Variants in UBE2R2 observed in about 807,000 individuals in gnomAD.
UBE2R2 encodes ubiquitin-conjugating enzyme E2 R2.
UBE2R2 carries 1 observed loss-of-function variant against 27.8 expected under a neutral mutation model. That is an observed-to-expected ratio of 0.04 (90% CI 0.01 to 0.17). UBE2R2 has a LOEUF of 0.17. Ranked by LOEUF, UBE2R2 falls within the 10% of genes least tolerant of loss-of-function variation. The pLI is 1.00. For synonymous variants in UBE2R2, 106 were observed against 113.3 expected (o/e 0.94, Z 0.41); for missense variants, 100 against 291.0 (o/e 0.34, Z 4.78).
At chr9:33,901,857 TTTTACACCTCACC>T (rs1822251256) in intron 3 of UBE2R2, among the ~76,000 whole-genome samples, 1 of 152,080 alleles carries the variant, frequency 6.6e-6, no homozygotes. Context: ...ATAAATGTGT[TTTTACACCTCACC>T]TTGACAACCA....
chr9:33,857,718 T>C (rs989563974), intron 1 of UBE2R2, among the ~76,000 whole-genome samples: 2 of 152,254 alleles, frequency 1.3e-5, no homozygotes, highest in Non-Finnish European at 2.9e-5. Context: ...TAGAATAATG[T>C]AGCTGTGTGT....
chr9:33,911,135 G>A (rs554360449), intron 3 of UBE2R2, among the ~76,000 whole-genome samples: 9 of 151,852 alleles, frequency 5.9e-5, no homozygotes, highest in Admixed American at 1.3e-4. Context: ...ACGGCCGGGC[G>A]TAGTGGCTCA....
intron 2 of UBE2R2, among the ~76,000 whole-genome samples, chr9:33,897,731 A>C (rs1485562473): frequency 6.8e-6 from 1 of 147,826 alleles, no homozygotes; most frequent in Non-Finnish European, 1.5e-5. Context: ...CCCACCTCCC[A>C]CGCATTCACT....
At chr9:33,856,245 G>A (rs1234795855) in intron 1 of UBE2R2, among the ~76,000 whole-genome samples, 1 of 152,064 alleles carries the variant, frequency 6.6e-6, no homozygotes, top group Admixed American at 6.6e-5. Context: ...CCTCAGCAAA[G>A]CATTATTTTC....
chr9:33,843,042 CTTTTT>C (rs71506139), intron 1 of UBE2R2, among the ~76,000 whole-genome samples: 1 of 105,314 alleles, frequency 9.5e-6, no homozygotes, highest in African/African-American at 4.0e-5. Context: ...AAACAGACCA[CTTTTT>C]TTTTTTTTTT....
intron 1 of UBE2R2, among the ~76,000 whole-genome samples, chr9:33,843,093 G>A (rs1408110581): frequency 7.3e-6 from 1 of 136,698 alleles, no homozygotes; most frequent in African/African-American, 2.9e-5. Context: ...TGTCGCCCAG[G>A]CTGGAGTGCA....
At position 33,855,816 on chromosome 9, in the gene UBE2R2, G is replaced by T. The variant is rs13287662; in HGVS notation, c.178-31065G>T. Reference sequence around the variant, plus strand: ...CTTACAGCTAGGCAAGGTGCCTCATGCCTGTAATCCCAGCACTTTGGGAGG... The same window carrying T: ...CTTACAGCTAGGCAAGGTGCCTCATTCCTGTAATCCCAGCACTTTGGGAGG... On this transcript the variant is annotated intron_variant, in intron 1 of 4. Coordinates refer to ENST00000263228, the MANE Select transcript of UBE2R2 (RefSeq NM_017811.4). 6.3e-3 allele frequency among the ~76,000 whole-genome samples: 956 copies of T among 152,330 alleles called. 3 individuals are homozygous for T. The highest frequency in any genetic ancestry group is 9.9e-3 in the Non-Finnish European group (676 of 68,022).
intron 2 of UBE2R2, among the ~76,000 whole-genome samples, chr9:33,891,484 A>C (rs1213776383): frequency 6.6e-6 from 1 of 151,998 alleles, no homozygotes. Flanking sequence ...CACCTCTACT[A>C]AAAATAGAAA....
chr9:33,839,970 T>G (rs1259695722), intron 1 of UBE2R2, among the ~76,000 whole-genome samples: 2 of 152,044 alleles, frequency 1.3e-5, no homozygotes, highest in Admixed American at 1.3e-4. Context: ...TACTCCAATC[T>G]GGGTGACAGA....
chr9:33,829,342 T>A (rs754564145), intron 1 of UBE2R2, among the ~76,000 whole-genome samples: 2 of 152,172 alleles, frequency 1.3e-5, no homozygotes, highest in Admixed American at 1.3e-4. Flanking sequence ...GAGAAAAATA[T>A]AAGTCTAAGA....
chr9:33,853,306 T>TTTTG (rs1821012661), intron 1 of UBE2R2, among the ~76,000 whole-genome samples: 1 of 149,446 alleles, frequency 6.7e-6, no homozygotes, highest in African/African-American at 2.5e-5. Flanking sequence ...TTTTTTTTTT[T>TTTTG]GAGATGGAGT....
chr9:33,868,144 C>A (rs1349064982), intron 1 of UBE2R2, among the ~76,000 whole-genome samples: 1 of 152,128 alleles, frequency 6.6e-6, no homozygotes, highest in Non-Finnish European at 1.5e-5. Flanking sequence ...CTCTGGCAGG[C>A]CCCTCTCCGA....
At position 33,873,174 on chromosome 9, in the gene UBE2R2, TAAAAAA is replaced by T. The variant is rs540364601; in HGVS notation, c.178-13689_178-13684del. Among the ~76,000 whole-genome samples the T allele has an allele frequency of 2.7e-5, 3 of 109,180 alleles. No individual in the cohort carries two copies. In the Admixed American group the frequency reaches 3.3e-4, roughly 12 times the overall value. The allele number at this position is 109,180 out of a possible 152,430, so 71.6% of individuals were successfully genotyped here. A position where few individuals can be genotyped will look rare whatever the true frequency, so the allele number is the denominator to read the frequency against. On this transcript the variant is annotated intron_variant, in intron 1 of 4. Coordinates refer to ENST00000263228, the MANE Select transcript of UBE2R2 (RefSeq NM_017811.4). ...TGAGCGACAGAGCAAGACTCCGTCT[TAAAAAA>T]AAAAAAAAAAAAAAAAAGATCTAAT...
intron 3 of UBE2R2, among the ~76,000 whole-genome samples, chr9:33,905,201 G>A (rs930285397): frequency 4.6e-5 from 7 of 152,162 alleles, no homozygotes; most frequent in South Asian, 2.1e-4. Context: ...AAAATAAAGC[G>A]TGAAACCAAA....
intron 3 of UBE2R2, among the ~76,000 whole-genome samples, chr9:33,903,353 G>T (rs1268406448): frequency 6.6e-6 from 1 of 152,162 alleles, no homozygotes; most frequent in Non-Finnish European, 1.5e-5. Flanking sequence ...AGAGGAAGTG[G>T]TAGCTATAAT....
At chr9:33,884,063 T>G (rs558161218) in intron 1 of UBE2R2, among the ~76,000 whole-genome samples, 19 of 151,992 alleles carry the variant, frequency 1.3e-4, no homozygotes, top group African/African-American at 4.3e-4. Flanking sequence ...GTGGCTGAGG[T>G]GGGTGAATTA....
chr9:33,829,793 GT>G (rs36079457), intron 1 of UBE2R2, among the ~76,000 whole-genome samples: 20,065 of 97,076 alleles, frequency 0.21, 1,549 homozygotes, highest in East Asian at 0.49. Flanking sequence ...TAGTGCAATC[GT>G]TTTTTTTTTT....
intron 1 of UBE2R2, among the ~76,000 whole-genome samples, chr9:33,837,018 T>C (rs1820628634): frequency 6.6e-6 from 1 of 152,160 alleles, no homozygotes; most frequent in South Asian, 2.1e-4. Context: ...TGCAGGACTC[T>C]GTGTGTCCCT....
At position 33,901,824 on chromosome 9, in the gene UBE2R2, T is replaced by C. The variant is rs142774602; in HGVS notation, c.362+1553T>C. Among the ~76,000 whole-genome samples the C allele has an allele frequency of 2.9e-3, 448 of 152,210 alleles. 2 individuals are homozygous for C. The highest frequency in any genetic ancestry group is 9.9e-3 in the African/African-American group (410 of 41,562). ...CCAATATATTTTTTAAGACAAAAAATGTTACTTTCTTTCTAAATTCAAATA... is the reference window on the plus strand; with the variant it reads ...CCAATATATTTTTTAAGACAAAAAACGTTACTTTCTTTCTAAATTCAAATA... On this transcript the variant is annotated intron_variant, in intron 3 of 4. Coordinates refer to ENST00000263228, the MANE Select transcript of UBE2R2 (RefSeq NM_017811.4).
Sources: gnomAD v4.1 joint callset for allele counts (sites outside exome capture counted in the v4.1 genomes callset) on GRCh38, gnomAD v4.1.1 for gene constraint, MANE v1.5 for transcripts, NCBI Gene and HGNC (gene_info 2026-07-23, HGNC 2026-07-21) for gene names.